HS6ST3: variants seen among roughly 807,000 people sequenced by gnomAD.
HS6ST3 encodes heparan-sulfate 6-O-sulfotransferase 3.
HS6ST3 carries 12 observed loss-of-function variants against 36.7 expected under a neutral mutation model. The observed-to-expected ratio is 0.33, with a 90% confidence interval of 0.21 to 0.53. The LOEUF (loss-of-function observed/expected upper bound fraction) is 0.53, where lower values mean the gene tolerates loss of function less well. Ranked by LOEUF, HS6ST3 falls within the 20% of genes least tolerant of loss-of-function variation. The probability of loss-of-function intolerance (pLI) is 0.95; values close to 1 mark genes in which losing one functional copy is unlikely to be tolerated. For synonymous variants in HS6ST3, 240 were observed against 257.5 expected, an observed-to-expected ratio of 0.93 and a Z score of 0.65; for missense variants, 584 against 640.9, an observed-to-expected ratio of 0.91 and a Z score of 0.96.
At chr13:96,193,239 C>T (rs2054297143) in intron 1 of HS6ST3, among the ~76,000 whole-genome samples, 1 of 152,120 alleles carries the variant, frequency 6.6e-6, no homozygotes, top group South Asian at 2.1e-4. Context: ...TGAACAAAAC[C>T]ACTCATGTTT....
intron 1 of HS6ST3, among the ~76,000 whole-genome samples, chr13:96,121,563 A>G (rs963732931): frequency 4.6e-5 from 7 of 152,260 alleles, no homozygotes; most frequent in African/African-American, 7.2e-5. Flanking sequence ...AATTGCTAAT[A>G]GCCCGAACCA....
chr13:96,381,319 T>C (rs1267686169), intron 1 of HS6ST3, among the ~76,000 whole-genome samples: 1 of 152,192 alleles, frequency 6.6e-6, no homozygotes, highest in East Asian at 1.9e-4. Flanking sequence ...GTGAAGATTG[T>C]ATGTAAAATC....
intron 1 of HS6ST3, among the ~76,000 whole-genome samples, chr13:96,741,110 C>T (rs1034344090): frequency 2.0e-5 from 3 of 152,232 alleles, no homozygotes; most frequent in Non-Finnish European, 4.4e-5. Flanking sequence ...AATTTACTGC[C>T]ACCAGAAATG....
intron 1 of HS6ST3, among the ~76,000 whole-genome samples, chr13:96,210,526 C>T (rs1418877441): frequency 1.3e-5 from 2 of 151,698 alleles, no homozygotes; most frequent in African/African-American, 2.4e-5. Flanking sequence ...GTATTTGTTT[C>T]GATCACATGA....
chr13:96,346,402 A>C (rs186913035), intron 1 of HS6ST3, among the ~76,000 whole-genome samples: 2 of 151,932 alleles, frequency 1.3e-5, no homozygotes, highest in Non-Finnish European at 2.9e-5. Context: ...GTGAAACCCT[A>C]TCTCTCCTAA....
At chr13:96,657,171 T>G (rs2056628811) in intron 1 of HS6ST3, among the ~76,000 whole-genome samples, 1 of 152,068 alleles carries the variant, frequency 6.6e-6, no homozygotes, top group Non-Finnish European at 1.5e-5. Flanking sequence ...CTTTCCTAAT[T>G]TTTGTTTATT....
intron 1 of HS6ST3, among the ~76,000 whole-genome samples, chr13:96,665,290 A>G (rs2056659873): frequency 6.6e-6 from 1 of 152,214 alleles, no homozygotes; most frequent in Admixed American, 6.5e-5. Context: ...TTTCAATTGA[A>G]TGCCTACATT....
At chr13:96,786,039 G>A (rs926414593) in intron 1 of HS6ST3, among the ~76,000 whole-genome samples, 2 of 152,032 alleles carry the variant, frequency 1.3e-5, no homozygotes, top group Non-Finnish European at 2.9e-5. Context: ...ATAACCTAGG[G>A]GGCTCTACAG....
chr13:96,298,793 G>A (rs2054867619), intron 1 of HS6ST3, among the ~76,000 whole-genome samples: 1 of 152,144 alleles, frequency 6.6e-6, no homozygotes, highest in Non-Finnish European at 1.5e-5. Flanking sequence ...CTCAGCAGAA[G>A]TGAAGCTGAG....
intron 1 of HS6ST3, among the ~76,000 whole-genome samples, chr13:96,820,585 A>G (rs1415242139): frequency 6.6e-6 from 1 of 152,242 alleles, no homozygotes; most frequent in African/African-American, 2.4e-5. Context: ...GTAAGTACTG[A>G]TACTTCAGCT....
At chr13:96,362,322 T>C (rs1332417975) in intron 1 of HS6ST3, among the ~76,000 whole-genome samples, 1 of 152,238 alleles carries the variant, frequency 6.6e-6, no homozygotes, top group Admixed American at 6.5e-5. Flanking sequence ...TATAATTTGA[T>C]TGCAGAAAAG....
rs192571602 is a variant in HS6ST3 at position 96,127,176 on chromosome 13, G to A, written c.707+35607G>A. ...TAGGAGATGAGGTCATGGGGGTGGA[G>A]CCTCATATGCTAATGTTGGCTACTA... On this transcript the variant is annotated intron_variant, in intron 1 of 1. Transcript: ENST00000376705. Among the ~76,000 whole-genome samples the A allele has an allele frequency of 2.0e-5, 3 of 152,264 alleles. No homozygotes were observed. The East Asian group carries it at 5.8e-4, about 29-fold the overall frequency.
At chr13:96,738,941 T>C (rs1251994373) in intron 1 of HS6ST3, among the ~76,000 whole-genome samples, 2 of 152,182 alleles carry the variant, frequency 1.3e-5, no homozygotes, top group Admixed American at 1.3e-4. Context: ...CCTAAATCCA[T>C]TCTCGTTTGT....
intron 1 of HS6ST3, among the ~76,000 whole-genome samples, chr13:96,327,023 G>A (rs1335388682): frequency 1.4e-5 from 2 of 140,324 alleles, no homozygotes; most frequent in Non-Finnish European, 3.1e-5. Context: ...TTTTGATGGG[G>A]TTGTTTGTTT....
intron 1 of HS6ST3, among the ~76,000 whole-genome samples, chr13:96,480,169 G>A (rs1241231320): frequency 1.3e-5 from 2 of 152,088 alleles, no homozygotes; most frequent in East Asian, 1.9e-4. Context: ...GCTGGAGCGC[G>A]GTGGCATGAT....
intron 1 of HS6ST3, among the ~76,000 whole-genome samples, chr13:96,820,878 T>C (rs897919287): frequency 6.6e-6 from 1 of 152,222 alleles, no homozygotes; most frequent in African/African-American, 2.4e-5. Context: ...CTTTTCTGAG[T>C]CTTCATAGCA....
At chr13:96,643,137 T>C (rs1202374904) in intron 1 of HS6ST3, among the ~76,000 whole-genome samples, 1 of 152,006 alleles carries the variant, frequency 6.6e-6, no homozygotes, top group East Asian at 1.9e-4. Flanking sequence ...GTGTGGCTAC[T>C]AAAGTTCCTG....
At chr13:96,489,122 C>G (rs755282981) in intron 1 of HS6ST3, among the ~76,000 whole-genome samples, 6 of 152,066 alleles carry the variant, frequency 3.9e-5, no homozygotes, top group Non-Finnish European at 7.4e-5. Flanking sequence ...TAAAATACAT[C>G]TTTATATTAT....
intron 1 of HS6ST3, among the ~76,000 whole-genome samples, chr13:96,789,883 T>A (rs1161396467): frequency 6.6e-6 from 1 of 151,902 alleles, no homozygotes; most frequent in Non-Finnish European, 1.5e-5. Flanking sequence ...TTATGATGTG[T>A]CTGGGTTGGA....
Sources: allele counts gnomAD v4.1 joint callset (sites outside exome capture counted in the v4.1 genomes callset), GRCh38; gene constraint gnomAD v4.1.1; transcripts MANE v1.5; gene names NCBI Gene and HGNC (gene_info 2026-07-23, HGNC 2026-07-21).